RORA: variants seen among roughly 807,000 people sequenced by gnomAD.
RORA encodes the protein RAR related orphan receptor A, also known as nuclear receptor ROR-alpha.
A neutral mutation model predicts 69.5 loss-of-function variants in RORA; 7 were observed. The observed-to-expected ratio is 0.10, with a 90% CI of 0.06 to 0.19. The LOEUF (loss-of-function observed/expected upper bound fraction) is 0.19, where lower values mean the gene tolerates loss of function less well. Among genes scored for constraint, RORA ranks in the 10% least tolerant of loss-of-function variants. The pLI, the probability that RORA is intolerant of heterozygous loss-of-function variation, is 1.00. For synonymous variants in RORA, 261 were observed against 240.8 expected (o/e 1.08, Z -0.78); for missense variants, 457 against 663.0 (o/e 0.69, Z 3.41).
At chr15:61,148,110 A>C (rs11071589) in intron 1 of RORA, among the ~76,000 whole-genome samples, 1 of 151,974 alleles carries the variant, frequency 6.6e-6, no homozygotes, top group Admixed American at 6.5e-5. Flanking sequence ...GCGTGAGCCA[A>C]GGGACTGGCA....
chr15:61,036,998 A>G (rs1488563618), intron 1 of RORA, among the ~76,000 whole-genome samples: 1 of 152,152 alleles, frequency 6.6e-6, no homozygotes, highest in Non-Finnish European at 1.5e-5. Context: ...CAGGAATTAA[A>G]TTTTGAAACA....
chr15:60,511,064 C>A lies in RORA; in HGVS notation c.820+162G>T, dbSNP rs1381183169. On this transcript the variant is annotated intron_variant, in intron 5 of 10. Transcript: ENST00000335670. This position sits in a 1 kb window ranked among gnomAD's most constrained non-coding sequence, Gnocchi z 6.4. ...GTATTGGATAAACCATGGGAAACAGCAGAGGGTCAAAAGCAAGGGGGCAGG... is the reference window on the plus strand; with the variant it reads ...GTATTGGATAAACCATGGGAAACAGAAGAGGGTCAAAAGCAAGGGGGCAGG... 6.6e-6 allele frequency among the ~76,000 whole-genome samples: 1 copy of A among 152,172 alleles called. No individual in the cohort carries two copies. The highest frequency in any genetic ancestry group is 1.5e-5 in the Non-Finnish European group (1 of 68,032).
intron 2 of RORA, among the ~76,000 whole-genome samples, chr15:60,653,301 G>A (rs995917207): frequency 6.0e-5 from 2 of 33,196 alleles, no homozygotes; most frequent in African/African-American, 1.5e-4. Flanking sequence ...GTGCATGCGT[G>A]TGTGTGTGTG....
chr15:60,573,072 C>T (rs894484480), intron 2 of RORA, among the ~76,000 whole-genome samples: 4 of 152,166 alleles, frequency 2.6e-5, no homozygotes, highest in African/African-American at 9.7e-5. Context: ...CTGGCTCCAA[C>T]CTTTAATTTA....
rs2079205633 is a variant in RORA, at chr15:61,133,019, A to G, written c.166+96034T>C. Among the ~76,000 whole-genome samples, 4 of 151,112 alleles carry G rather than the reference A, an allele frequency of 2.6e-5. No homozygotes were observed. In the South Asian group the frequency reaches 8.4e-4, roughly 32 times the overall value. ...TAGCTTCATCCAACTACGGGAACAG[A>G]ATAGTTTAACAGTAACTAAGTATGC... On this transcript the variant is annotated intron_variant, in intron 1 of 10. Coordinates refer to ENST00000335670, the MANE Select transcript of RORA (RefSeq NM_134261.3).
chr15:60,500,433 C>A (rs192527069), intron 9 of RORA, among the ~76,000 whole-genome samples: 2 of 152,306 alleles, frequency 1.3e-5, no homozygotes, highest in African/African-American at 4.8e-5. Flanking sequence ...AGAATTCCAA[C>A]TGACTTAAGG....
chr15:60,987,035 A>G (rs1226597818), intron 1 of RORA, among the ~76,000 whole-genome samples: 1 of 152,200 alleles, frequency 6.6e-6, no homozygotes, highest in East Asian at 1.9e-4. Context: ...AGTAATGCCA[A>G]ACATTCCTGG....
intron 1 of RORA, among the ~76,000 whole-genome samples, chr15:60,856,624 G>T (rs2073383617): frequency 6.6e-6 from 1 of 152,026 alleles, no homozygotes; most frequent in African/African-American, 2.4e-5. Context: ...TTTACATCAT[G>T]CTTGAATCAA....
Position 60,863,135 on chromosome 15 carries a change from T to C in RORA, c.167-184449A>G, listed in dbSNP as rs183059353. Among the ~76,000 whole-genome samples, 403 of 152,326 alleles carry C rather than the reference T, an allele frequency of 2.6e-3. 3 individuals carry two copies. Among genetic ancestry groups the C allele is most frequent in the African/African-American group, 9.2e-3 (382 of 41,568 alleles). ...AACAAAAACTCTAGGAATACTGGAA[T>C]ATTAGGGCCAATCTTTTACAGTTGA... is the stretch of plus-strand genomic sequence containing the variant. On this transcript the variant is annotated intron_variant, in intron 1 of 10. Coordinates refer to ENST00000335670, the MANE Select transcript of RORA (RefSeq NM_134261.3).
At chr15:60,611,437 G>A (rs113097693) in intron 2 of RORA, among the ~76,000 whole-genome samples, 3 of 151,754 alleles carry the variant, frequency 2.0e-5, no homozygotes, top group Non-Finnish European at 4.4e-5. Context: ...CTGTGTTTAT[G>A]TACTACGAGT....
chr15:60,708,259 T>C (rs1263230672), intron 1 of RORA, among the ~76,000 whole-genome samples: 1 of 151,470 alleles, frequency 6.6e-6, no homozygotes. Context: ...CTGTCTCTAC[T>C]AAAAATACAA....
chr15:61,075,029 G>C (rs192785536), intron 1 of RORA, among the ~76,000 whole-genome samples: 10 of 151,934 alleles, frequency 6.6e-5, no homozygotes, highest in Admixed American at 6.5e-5. Context: ...GGAGCTTGCA[G>C]TGAGCAGGGA....
chr15:60,883,176 GAGAGAGAA>G (rs1471750894), intron 1 of RORA, among the ~76,000 whole-genome samples: 36 of 130,072 alleles, frequency 2.8e-4, no homozygotes, highest in East Asian at 1.2e-3. Flanking sequence ...GAGAGAGAGA[GAGAGAGAA>G]AGAAAGAAAA....
intron 1 of RORA, among the ~76,000 whole-genome samples, chr15:61,194,543 G>GAAAAAA (rs10670983): frequency 7.0e-6 from 1 of 143,470 alleles, no homozygotes; most frequent in Non-Finnish European, 1.5e-5. Flanking sequence ...AGCCTAGGAG[G>GAAAAAA]AAAAAAAAAA....
intron 1 of RORA, among the ~76,000 whole-genome samples, chr15:60,902,733 G>A (rs1271658967): frequency 6.6e-6 from 1 of 152,160 alleles, no homozygotes; most frequent in Non-Finnish European, 1.5e-5. Context: ...TGATTTCTGT[G>A]TTAAAAATAC....
intron 1 of RORA, among the ~76,000 whole-genome samples, chr15:60,697,404 C>T (rs1168734231): frequency 1.3e-5 from 2 of 152,180 alleles, no homozygotes; most frequent in Admixed American, 6.5e-5. Flanking sequence ...GTGAAGCCTC[C>T]CTTCTTCCAT....
At chr15:61,137,044 AAAGAAAG>A (rs2079249182) in intron 1 of RORA, among the ~76,000 whole-genome samples, 2 of 145,202 alleles carry the variant, frequency 1.4e-5, no homozygotes, top group African/African-American at 5.4e-5. Context: ...AGAAAGAAAG[AAAGAAAG>A]AAAGAAAGAA....
chr15:60,888,236 T>A (rs2073773241), intron 1 of RORA, among the ~76,000 whole-genome samples: 1 of 152,220 alleles, frequency 6.6e-6, no homozygotes, highest in South Asian at 2.1e-4. Context: ...CAGGTGAGTA[T>A]TTCAGGGTCC....
chr15:60,795,445 G>A (rs17204489), intron 1 of RORA, among the ~76,000 whole-genome samples: 4,969 of 152,284 alleles, frequency 0.033, 123 homozygotes, highest in Middle Eastern at 0.058. Flanking sequence ...CCCCGGGAGA[G>A]TATTTTTGAG....
Sources: allele counts gnomAD v4.1 joint callset (sites outside exome capture counted in the v4.1 genomes callset), GRCh38; gene constraint gnomAD v4.1.1; non-coding constraint Gnocchi (gnomAD v3.1); transcripts MANE v1.5; gene names NCBI Gene and HGNC (gene_info 2026-07-23, HGNC 2026-07-21).